Variants in PTPRK observed in about 807,000 individuals in gnomAD.
PTPRK encodes the protein receptor-type tyrosine-protein phosphatase kappa.
Under a neutral mutation model 178.0 loss-of-function variants are expected in PTPRK, and 75 were observed. The ratio of observed to expected loss-of-function variants is 0.42; its 90% CI spans 0.35 to 0.51. PTPRK has a LOEUF of 0.51. PTPRK is among the 20% of genes least tolerant of loss of function. The pLI, the probability that PTPRK is intolerant of heterozygous loss-of-function variation, is 0.02. For synonymous variants in PTPRK, 637 were observed against 620.6 expected, an observed-to-expected ratio of 1.03 and a Z score of -0.39; for missense variants, 1,441 against 1,797.8, an observed-to-expected ratio of 0.80 and a Z score of 3.59.
chr6:128,376,866 A>G (rs1288426681), intron 2 of PTPRK, among the ~76,000 whole-genome samples: 1 of 152,148 alleles, frequency 6.6e-6, no homozygotes, highest in Non-Finnish European at 1.5e-5. Flanking sequence ...TTTTGCTAAT[A>G]CGTAACAAGA....
At chr6:128,197,892 C>A (rs1416896448) in intron 6 of PTPRK, among the ~76,000 whole-genome samples, 1 of 152,148 alleles carries the variant, frequency 6.6e-6, no homozygotes, top group Non-Finnish European at 1.5e-5. Context: ...ATGCCTGCCT[C>A]AACAAGTATA....
intron 21 of PTPRK, among the ~76,000 whole-genome samples, chr6:127,988,111 A>C (rs1440306068): frequency 6.6e-6 from 1 of 150,656 alleles, no homozygotes; most frequent in Non-Finnish European, 1.5e-5. Flanking sequence ...ACTAGATCCA[A>C]ATTTTCAATA....
At chr6:128,373,344 T>G (rs1179834815) in intron 2 of PTPRK, among the ~76,000 whole-genome samples, 1 of 152,156 alleles carries the variant, frequency 6.6e-6, no homozygotes, top group Non-Finnish European at 1.5e-5. Context: ...CAACACAAAG[T>G]GCTACAAATG....
chr6:128,499,249 A>G (rs1029622420), intron 1 of PTPRK, among the ~76,000 whole-genome samples: 1 of 152,250 alleles, frequency 6.6e-6, no homozygotes, highest in African/African-American at 2.4e-5. Flanking sequence ...ACTGATCTCT[A>G]CAAGTGAAAA....
intron 1 of PTPRK, among the ~76,000 whole-genome samples, chr6:128,505,852 C>A (rs1422188870): frequency 6.6e-6 from 1 of 152,176 alleles, no homozygotes; most frequent in Non-Finnish European, 1.5e-5. Context: ...TAATAATTGT[C>A]AAAACTTTAG....
chr6:128,164,723 G>A (rs180692553), intron 7 of PTPRK, among the ~76,000 whole-genome samples: 87 of 151,232 alleles, frequency 5.8e-4, no homozygotes, highest in Middle Eastern at 3.4e-3. Flanking sequence ...ACAGGCTGGG[G>A]GGGGAGATTA....
At chr6:128,066,279 G>C (rs146452590) in intron 12 of PTPRK, among the ~76,000 whole-genome samples, 3 of 152,284 alleles carry the variant, frequency 2.0e-5, no homozygotes, top group Non-Finnish European at 2.9e-5. Flanking sequence ...ACTCTCTAAA[G>C]ACCTCAGTTC....
chr6:128,102,248 C>T (rs904664798), intron 7 of PTPRK, among the ~76,000 whole-genome samples: 1 of 152,184 alleles, frequency 6.6e-6, no homozygotes, highest in African/African-American at 2.4e-5. Flanking sequence ...CAAGAAATTA[C>T]AGAGGCCAGA....
intron 3 of PTPRK, among the ~76,000 whole-genome samples, chr6:128,307,944 C>T (rs1826678181): frequency 6.6e-6 from 1 of 152,128 alleles, no homozygotes; most frequent in South Asian, 2.1e-4. Context: ...CACTACTTAG[C>T]AATATCATAC....
At chr6:128,050,983 G>T (rs1778904208) in intron 13 of PTPRK, among the ~76,000 whole-genome samples, 2 of 151,996 alleles carry the variant, frequency 1.3e-5, no homozygotes, top group South Asian at 2.1e-4. Flanking sequence ...AAAATTTCCT[G>T]GTCTCTTGTT....
chr6:128,000,316 AAAC>A (rs1341756788), intron 15 of PTPRK: 1 of 1,300,252 alleles, frequency 7.7e-7, no homozygotes. Context: ...TCCCCATGAT[AAAC>A]ATTTTTTCTT....
intron 7 of PTPRK, among the ~76,000 whole-genome samples, chr6:128,163,292 TAATA>T (rs1004039023): frequency 2.0e-5 from 3 of 151,054 alleles, no homozygotes; most frequent in Non-Finnish European, 4.4e-5. Flanking sequence ...GCACTGAAAA[TAATA>T]AATAATATGT....
intron 2 of PTPRK, among the ~76,000 whole-genome samples, chr6:128,371,649 C>A (rs1836299442): frequency 1.3e-5 from 2 of 152,172 alleles, no homozygotes; most frequent in African/African-American, 4.8e-5. Flanking sequence ...TAACTACTAA[C>A]TCACCCAACC....
At chr6:128,491,792 G>A (rs1421922675) in intron 1 of PTPRK, 3 of 518,478 alleles carry the variant, frequency 5.8e-6, no homozygotes, top group South Asian at 4.2e-5. Context: ...ATGGCGAATG[G>A]AATGGCAGAC....
At chr6:128,380,754 C>T (rs534711683) in intron 2 of PTPRK, among the ~76,000 whole-genome samples, 84 of 152,196 alleles carry the variant, frequency 5.5e-4, no homozygotes, top group African/African-American at 1.9e-3. Context: ...CTTCAACAGA[C>T]GTAACCAAGG....
At chr6:127,994,449 A>G (rs542603310) in intron 18 of PTPRK, among the ~76,000 whole-genome samples, 1 of 151,900 alleles carries the variant, frequency 6.6e-6, no homozygotes, top group African/African-American at 2.4e-5. Flanking sequence ...AAAATGCTCA[A>G]CATGCATTAC....
intron 6 of PTPRK, among the ~76,000 whole-genome samples, chr6:128,210,672 G>A (rs181472370): frequency 7.9e-5 from 12 of 152,098 alleles, no homozygotes; most frequent in Admixed American, 7.9e-4. Context: ...TTTCATTTAA[G>A]GTCACTTAGA....
rs1305543478 is a variant in PTPRK at position 128,311,567 on chromosome 6, T to C, written c.495+10472A>G. Among the ~76,000 whole-genome samples the C allele has an allele frequency of 1.5e-4, 23 of 152,148 alleles. 1 individual carries two copies. Among genetic ancestry groups the C allele is most frequent in the Non-Finnish European group, 1.5e-5 (1 of 68,020 alleles). ...CCTTACACAGTATGATCGTTCTCAT[T>C]TCTGACCACCTGAGACTGCTATCTA... On this transcript the variant is annotated intron_variant, in intron 3 of 29. Coordinates refer to ENST00000368226, the MANE Select transcript of PTPRK (RefSeq NM_002844.4).
chr6:128,351,735 A>G (rs367682030), intron 2 of PTPRK, among the ~76,000 whole-genome samples: 76 of 152,296 alleles, frequency 5.0e-4, no homozygotes, highest in African/African-American at 1.6e-3. Flanking sequence ...AAAGCTAAAT[A>G]TCATAGTCAA....
Sources: gnomAD v4.1 joint callset for allele counts (sites outside exome capture counted in the v4.1 genomes callset) on GRCh38, gnomAD v4.1.1 for gene constraint, MANE v1.5 for transcripts, NCBI Gene and HGNC (gene_info 2026-07-23, HGNC 2026-07-21) for gene names.